The following TRAPPC14 variants were observed in gnomAD, a reference collection of about 807,000 sequenced individuals.
The protein encoded by TRAPPC14 is trafficking protein particle complex subunit 14, also known as microtubule associated protein 11.
Under a neutral mutation model 56.6 loss-of-function variants are expected in TRAPPC14, and 24 were observed. The ratio of observed to expected loss-of-function variants is 0.42; its 90% CI spans 0.31 to 0.60. The LOEUF is 0.60. Among genes scored for constraint, TRAPPC14 ranks in the 20% least tolerant of loss-of-function variants. The pLI is 0.14. For synonymous variants in TRAPPC14, 377 were observed against 347.0 expected (o/e 1.09, Z -0.96); for missense variants, 615 against 790.3 (o/e 0.78, Z 2.66).
In TRAPPC14 at chr7:100,157,777, G is replaced by A. The variant is rs1271139081; in HGVS notation, c.508-15C>T. The A allele has an allele frequency of 1.2e-6, 2 of 1,614,220 alleles. No individual in the cohort carries two copies. Among genetic ancestry groups the A allele is most frequent in the Non-Finnish European group, 8.5e-7 (1 of 1,180,022 alleles). On this transcript the variant is annotated splice_polypyrimidine_tract_variant and intron_variant, in intron 2 of 10. Coordinates refer to ENST00000316937, the MANE Select transcript of TRAPPC14 (RefSeq NM_018275.5). ...GTCACTACAATCTGTCAAGAGGAAA[G>A]ACAGATGGCTGAGCCCGGAAAAGGT...
In TRAPPC14 at chr7:100,155,102, G is replaced by A. The variant is rs761634074; in HGVS notation, c.1652C>T (p.Pro551Leu). 6.2e-7 allele frequency: 1 copy of A among 1,613,488 alleles called. No homozygotes were observed. Among genetic ancestry groups the A allele is most frequent in the South Asian group, 1.1e-5 (1 of 91,070 alleles). ...AGCCTTGTCCGGGGGCAGGTAGAGGGGGCGGCCAACAGGAGAGGCCACAGG... is the reference window on the plus strand; with the variant it reads ...AGCCTTGTCCGGGGGCAGGTAGAGGAGGCGGCCAACAGGAGAGGCCACAGG... ...TPPVASPVGR[P>L]LYLPPDKAVL... The change falls in exon 11 of 11, where the codon CCC becomes CTC. Residue 551 changes from proline to leucine, a missense_variant. By Grantham distance (98) the Pro-to-Leu change is moderately conservative (BLOSUM62 -3). Transcript: ENST00000316937.
In TRAPPC14 at chr7:100,158,612, G is replaced by T. The variant is rs1295352610; in HGVS notation, c.-113C>A. 3.6e-6 allele frequency: 4 copies of T among 1,123,150 alleles called. No individual in the cohort carries two copies. The highest frequency in any genetic ancestry group is 4.5e-6 in the Non-Finnish European group (4 of 884,502). 69.6% of individuals were successfully genotyped at this position (1,123,150 alleles called of 1,614,324 possible). A position where few individuals can be genotyped will look rare whatever the true frequency, so the allele number is the denominator to read the frequency against. On this transcript the variant is annotated 5_prime_UTR_variant, in exon 1 of 11. Transcript: ENST00000316937. ...ACCTCCGGCTGCTGCGCCCGGCTGG[G>T]GCGGCCGGAGAGACCGGCCCGGTCC...
In TRAPPC14 at chr7:100,155,057, A is replaced by G. The variant is rs1798846703; in HGVS notation, c.1697T>C (p.Ile566Thr). Residue 566 changes from isoleucine to threonine, a missense_variant, in exon 11 of 11, where the codon ATT becomes ACT. By Grantham distance (89) the Ile-to-Thr change is moderately conservative. Transcript: ENST00000316937. ...CAGGACCTTGCACTCGCGCTTGGCA[A>G]TCTTGTCCAGAGACAACACAGCCTT... ...PDKAVLSLDK[I>T]AKRECKVLVV... The G allele has an allele frequency of 6.2e-6, 10 of 1,614,080 alleles. No individual in the cohort carries two copies. Among genetic ancestry groups the G allele is most frequent in the South Asian group, 1.1e-5 (1 of 91,082 alleles).
In TRAPPC14 at chr7:100,156,944, C is replaced by G; in HGVS notation, c.894G>C (p.Gly298=). The part of the protein sequence containing the change: ...VSMGSFCRLP[G]TSGCFPCPLN... ...GCGGGCAGGGGAAGCAGCCAGAGGT[C>G]CCGGGTAGGCGGCAGAAGGAGCCCA... The change falls in exon 6 of 11, where the codon GGG becomes GGC. Residue 298 remains glycine, a synonymous_variant. Transcript: ENST00000316937. The G allele has an allele frequency of 6.2e-7, 1 of 1,614,060 alleles. No individual in the cohort carries two copies. Among genetic ancestry groups the G allele is most frequent in the Non-Finnish European group, 8.5e-7 (1 of 1,180,022 alleles).
In TRAPPC14 at chr7:100,157,182, T is replaced by C. The variant is rs1798898974; in HGVS notation, c.757A>G (p.Ile253Val). The change falls in exon 5 of 11, where the codon ATC becomes GTC. Residue 253 changes from isoleucine to valine, a missense_variant. Coordinates refer to ENST00000316937, the MANE Select transcript of TRAPPC14 (RefSeq NM_018275.5). Reference protein sequence around the residue: ...LNSSSQEEISIWDIRILPNFN... With the variant: ...LNSSSQEEISVWDIRILPNFN... ...TTGGGGAGGATTCGGATATCCCAGA[T>C]GGAGATTTCCTCCTGAGAGGAGCTG... 1.2e-6 allele frequency: 2 copies of C among 1,614,060 alleles called. No homozygotes were observed. Among genetic ancestry groups the C allele is most frequent in the Non-Finnish European group, 1.7e-6 (2 of 1,179,970 alleles).
At position 100,157,222 on chromosome 7, in the gene TRAPPC14, A is replaced by AGAG. The variant is rs1798900090; in HGVS notation, c.725-11_725-9dup. 1 of 1,614,138 alleles carries AGAG rather than the reference A, an allele frequency of 6.2e-7. No individual in the cohort carries two copies. Among genetic ancestry groups the AGAG allele is most frequent in the African/African-American group, 1.3e-5 (1 of 75,026 alleles). ...GAGAGGAGCTGTTCAGCACTGTGGG[A>AGAG]GAGGACCAGCTTGGCTCAGAATAGC... On this transcript the variant is annotated splice_polypyrimidine_tract_variant and intron_variant, in intron 4 of 10. Coordinates refer to ENST00000316937, the MANE Select transcript of TRAPPC14 (RefSeq NM_018275.5).
Position 100,155,044 on chromosome 7 carries a change from C to G in TRAPPC14, c.1710G>C (p.Glu570Asp). 3.7e-6 allele frequency: 6 copies of G among 1,614,164 alleles called. No homozygotes were observed. The highest frequency in any genetic ancestry group is 4.2e-6 in the Non-Finnish European group (5 of 1,180,016). The change falls in exon 11 of 11, where the codon GAG (glutamate) becomes GAC (aspartate). Residue 570 changes from glutamate to aspartate, a missense_variant. Physicochemically the swap from Glu to Asp is conservative, Grantham distance 45. Transcript: ENST00000316937. Reference protein sequence around the residue: ...VLSLDKIAKRECKVLVVEPVK With the variant: ...VLSLDKIAKRDCKVLVVEPVK ...CGGGTTCCACCACCAGGACCTTGCA[C>G]TCGCGCTTGGCAATCTTGTCCAGAG...
At chr7:100,157,588 C>T (rs1315948924) in intron 3 of TRAPPC14, 45 bp downstream of exon 3, 1 of 1,610,256 alleles carries the variant, frequency 6.2e-7, no homozygotes, top group East Asian at 2.2e-5. Flanking sequence ...CTCTGTCCCC[C>T]AATTCCCAGA....
At chr7:100,156,149 C>T (rs1033702361) in intron 8 of TRAPPC14, 11 of 611,790 alleles carry the variant, frequency 1.8e-5, no homozygotes, top group South Asian at 5.6e-5. Flanking sequence ...TTCACACCAG[C>T]GAGTGCAGCT....
intron 8 of TRAPPC14, 37 bp from the exon 9 acceptor site, chr7:100,155,862 G>T: frequency 1.2e-6 from 2 of 1,613,866 alleles, no homozygotes; most frequent in Non-Finnish European, 8.5e-7. Flanking sequence ...ACACTACAGC[G>T]TTCCTCATTC....
At chr7:100,157,324 A>T in intron 4 of TRAPPC14, 49 bp downstream of exon 4, 1 of 1,609,368 alleles carries the variant, frequency 6.2e-7, no homozygotes, top group Non-Finnish European at 8.5e-7. Context: ...ACTGCATCCA[A>T]TCAGTTCCCT....
At chr7:100,157,545 GC>G in intron 3 of TRAPPC14, 86 bp from the exon 4 acceptor site, 2 of 1,605,294 alleles carry the variant, frequency 1.2e-6, no homozygotes, top group Non-Finnish European at 1.7e-6. Flanking sequence ...TCTTCTCAGA[GC>G]CCATTAGCCA....
Position 100,155,667 on chromosome 7 carries a change from C to G in TRAPPC14, c.1395+4G>C. 1 of 1,596,374 alleles carries G rather than the reference C, an allele frequency of 6.3e-7. No individual in the cohort carries two copies. The highest frequency in any genetic ancestry group is 8.5e-7 in the Non-Finnish European group (1 of 1,169,824). ...GCACTCAGCCCAGACCCTCCCCAGC[C>G]CACCTCGAAGAGCCCCGTCCTCAGA... is the stretch of plus-strand genomic sequence containing the variant. On this transcript the variant is annotated splice_donor_region_variant and intron_variant, in intron 9 of 10. Coordinates refer to ENST00000316937, the MANE Select transcript of TRAPPC14 (RefSeq NM_018275.5).
Position 100,155,426 on chromosome 7 carries a change from C to A in TRAPPC14, c.1425G>T (p.Gln475His). ...GAGGGTGGGACACGCTGGCGGTGAA[C>A]TGCAGCTTCAGTTTCATGTGCTGGC... is the stretch of plus-strand genomic sequence containing the variant. ...ELSQHMKLKL[Q>H]FTASVSHPPP... is the part of the protein sequence containing the mutation. The change falls in exon 10 of 11, where the codon CAG becomes CAT. Residue 475 changes from glutamine to histidine, a missense_variant. Transcript: ENST00000316937. 6.5e-7 allele frequency: 1 copy of A among 1,530,288 alleles called. No individual in the cohort carries two copies. The highest frequency in any genetic ancestry group is 8.8e-7 in the Non-Finnish European group (1 of 1,136,120). 94.8% of individuals were successfully genotyped at this position (1,530,288 alleles called of 1,614,324 possible). A position where few individuals can be genotyped will look rare whatever the true frequency, so the allele number is the denominator to read the frequency against.
At position 100,155,459 on chromosome 7, in the gene TRAPPC14, G is replaced by A. The variant is rs945845318; in HGVS notation, c.1396-4C>T. 5.9e-6 allele frequency: 9 copies of A among 1,521,580 alleles called. No individual in the cohort carries two copies. The highest frequency in any genetic ancestry group is 1.7e-4 in the Middle Eastern group (1 of 5,764). The allele number at this position is 1,521,580 out of a possible 1,614,324, so 94.3% of individuals were successfully genotyped here. A position where few individuals can be genotyped will look rare whatever the true frequency, so the allele number is the denominator to read the frequency against. Reference sequence around the variant, plus strand: ...TCAGTTTCATGTGCTGGCTTAGCTGGGGGGAGACACAGGTCAGCATGCCAG... The same window carrying A: ...TCAGTTTCATGTGCTGGCTTAGCTGAGGGGAGACACAGGTCAGCATGCCAG... On this transcript the variant is annotated splice_polypyrimidine_tract_variant and splice_region_variant and intron_variant, in intron 9 of 10. Coordinates refer to ENST00000316937, the MANE Select transcript of TRAPPC14 (RefSeq NM_018275.5).
chr7:100,158,201 T>C lies in TRAPPC14; in HGVS notation c.299A>G (p.Gln100Arg), dbSNP rs1798925587. The change falls in exon 1 of 11, where the codon CAG becomes CGG. Residue 100 changes from glutamine (Q) to arginine (R), a missense_variant. Coordinates refer to ENST00000316937, the MANE Select transcript of TRAPPC14 (RefSeq NM_018275.5). Reference sequence around the variant, plus strand: ...CCCTCCCCCTGGGGGCTCCGAATCCTGGTCGCCGGCGCCGCCGCCCCCCGG... The same window carrying C: ...CCCTCCCCCTGGGGGCTCCGAATCCCGGTCGCCGGCGCCGCCGCCCCCCGG... ...GMPGGGGAGDQDSEPPGGGDP... is the reference protein window; with the variant it reads ...GMPGGGGAGDRDSEPPGGGDP... 3 of 1,458,074 alleles carry C rather than the reference T, an allele frequency of 2.1e-6. No homozygotes were observed. The highest frequency in any genetic ancestry group is 2.7e-5 in the East Asian group (1 of 36,652). The allele number at this position is 1,458,074 out of a possible 1,614,324, so 90.3% of individuals were successfully genotyped here. A position where few individuals can be genotyped will look rare whatever the true frequency, so the allele number is the denominator to read the frequency against.
Position 100,157,406 on chromosome 7 carries a change from T to G in TRAPPC14, c.691A>C (p.Thr231Pro). 1 of 1,614,122 alleles carries G rather than the reference T, an allele frequency of 6.2e-7. No individual in the cohort carries two copies. Among genetic ancestry groups the G allele is most frequent in the Non-Finnish European group, 8.5e-7 (1 of 1,180,032 alleles). The change falls in exon 4 of 11, where the codon ACT becomes CCT. Residue 231 changes from threonine (T) to proline (P), a missense_variant. By Grantham distance (38) the Thr-to-Pro change is conservative (BLOSUM62 -1). Coordinates refer to ENST00000316937, the MANE Select transcript of TRAPPC14 (RefSeq NM_018275.5). ...PPPVLRCRQFTVAGKHLTVLK... is the reference protein window; with the variant it reads ...PPPVLRCRQFPVAGKHLTVLK... ...ACGGTCAAGTGTTTTCCAGCCACAG[T>G]GAACTGCCGGCATCTCAGAACCGGA...
chr7:100,158,035 G>A, intron 1 of TRAPPC14, 54 bp downstream of exon 1: 1 of 1,403,700 alleles, frequency 7.1e-7, no homozygotes, highest in Non-Finnish European at 9.5e-7. Context: ...TCCTGCCTCA[G>A]GCCCCCAGCA....
chr7:100,158,230 C>G lies in TRAPPC14; in HGVS notation c.270G>C (p.Gly90=). 6.8e-7 allele frequency: 1 copy of G among 1,475,556 alleles called. No individual in the cohort carries two copies. The highest frequency in any genetic ancestry group is 8.9e-7 in the Non-Finnish European group (1 of 1,120,604). 91.4% of individuals were successfully genotyped at this position (1,475,556 alleles called of 1,614,324 possible). A position where few individuals can be genotyped will look rare whatever the true frequency, so the allele number is the denominator to read the frequency against. Residue 90 remains glycine (G), a synonymous_variant, in exon 1 of 11, where the codon GGG becomes GGC. Transcript: ENST00000316937. ...CGCCGGCGCCGCCGCCCCCCGGCATCCCGCCTCCGGCGCTGACCGAGGCCA... is the reference window on the plus strand; with the variant it reads ...CGCCGGCGCCGCCGCCCCCCGGCATGCCGCCTCCGGCGCTGACCGAGGCCA... ...AALASVSAGG[G]MPGGGGAGDQ...
Sources: gnomAD v4.1 joint callset for allele counts on GRCh38, gnomAD v4.1.1 for gene constraint, MANE v1.5 for transcripts, NCBI Gene and HGNC (gene_info 2026-07-23, HGNC 2026-07-21) for gene names.